Variants in EXOC6B observed in about 807,000 individuals in gnomAD.
The protein encoded by EXOC6B is exocyst complex component 6B.
Under a neutral mutation model 113.5 loss-of-function variants are expected in EXOC6B, and 54 were observed. That is an observed-to-expected ratio of 0.48 (90% CI 0.38 to 0.60). EXOC6B has a LOEUF of 0.60. EXOC6B is among the 20% of genes least tolerant of loss of function. The pLI is 0.00. For missense variants in EXOC6B, 797 were observed against 977.5 expected (o/e 0.82, Z 2.46); for synonymous variants, 357 against 339.0 (o/e 1.05, Z -0.58).
intron 20 of EXOC6B, among the ~76,000 whole-genome samples, chr2:72,292,243 G>A (rs1292351762): frequency 6.9e-6 from 1 of 144,370 alleles, no homozygotes; most frequent in East Asian, 2.2e-4. Flanking sequence ...TGAATCTGAA[G>A]ATCTACCAGG....
At position 72,521,991 on chromosome 2, in the gene EXOC6B, C is replaced by A. The variant is rs567153477; in HGVS notation, c.916-6865G>T. The stretch of plus-strand genomic sequence containing the variant: ...GATTACAGGCATGAGCCACTGCACC[C>A]GGCCAGTTTAAAGTTTTTTATATTG... On this transcript the variant is annotated intron_variant, in intron 8 of 21. Coordinates refer to ENST00000272427, the MANE Select transcript of EXOC6B (RefSeq NM_015189.3). 9.9e-4 allele frequency among the ~76,000 whole-genome samples: 150 copies of A among 152,280 alleles called. 1 individual carries two copies. Among genetic ancestry groups the A allele is most frequent in the African/African-American group, 3.5e-3 (147 of 41,570 alleles).
At chr2:72,336,643 A>G (rs1688707325) in intron 19 of EXOC6B, among the ~76,000 whole-genome samples, 1 of 152,178 alleles carries the variant, frequency 6.6e-6, no homozygotes. Flanking sequence ...TTGCTTTGAG[A>G]AGAAAATTCA....
At chr2:72,322,176 C>T (rs1052872401) in intron 20 of EXOC6B, among the ~76,000 whole-genome samples, 1 of 151,980 alleles carries the variant, frequency 6.6e-6, no homozygotes, top group Non-Finnish European at 1.5e-5. Context: ...ACAAAATGTT[C>T]ATAAATGTCA....
intron 8 of EXOC6B, among the ~76,000 whole-genome samples, chr2:72,554,915 C>T (rs1703449690): frequency 6.6e-6 from 1 of 151,732 alleles, no homozygotes; most frequent in African/African-American, 2.4e-5. Flanking sequence ...AGACCCCCAA[C>T]CCCTGACAGG....
chr2:72,489,291 G>A (rs897136798), intron 16 of EXOC6B, among the ~76,000 whole-genome samples: 1 of 151,978 alleles, frequency 6.6e-6, no homozygotes, highest in African/African-American at 2.4e-5. Context: ...GATCTCTATT[G>A]TTGTTGTTAT....
chr2:72,768,638 A>T (rs561385557), intron 1 of EXOC6B, among the ~76,000 whole-genome samples: 3 of 148,842 alleles, frequency 2.0e-5, no homozygotes, highest in Admixed American at 2.0e-4. Flanking sequence ...AGTAAATAAC[A>T]TCTAACTGAT....
Position 72,516,782 on chromosome 2 carries a change from G to C in EXOC6B, c.916-1656C>G, listed in dbSNP as rs1281907925. On this transcript the variant is annotated intron_variant, in intron 8 of 21. Coordinates refer to ENST00000272427, the MANE Select transcript of EXOC6B (RefSeq NM_015189.3). ...GTGCCATGGTTTTCTCATTTGTAGAGATGCCAACATCATATGGTTGTAATG... is the reference window on the plus strand; with the variant it reads ...GTGCCATGGTTTTCTCATTTGTAGACATGCCAACATCATATGGTTGTAATG... 2.0e-5 allele frequency among the ~76,000 whole-genome samples: 3 copies of C among 152,094 alleles called. 1 individual carries two copies. In the East Asian group the frequency reaches 5.8e-4, roughly 29 times the overall value.
intron 18 of EXOC6B, among the ~76,000 whole-genome samples, chr2:72,393,064 G>A (rs1208087453): frequency 2.0e-5 from 3 of 151,584 alleles, no homozygotes; most frequent in African/African-American, 7.3e-5. Flanking sequence ...ACTTAATGAA[G>A]GTTTGGTTTT....
chr2:72,312,969 G>A (rs940350052), intron 20 of EXOC6B, among the ~76,000 whole-genome samples: 6 of 152,074 alleles, frequency 3.9e-5, no homozygotes, highest in Non-Finnish European at 7.3e-5. Context: ...AAATTCTGAG[G>A]TGATACATAG....
At chr2:72,319,139 A>G (rs937551414) in intron 20 of EXOC6B, among the ~76,000 whole-genome samples, 1 of 151,934 alleles carries the variant, frequency 6.6e-6, no homozygotes, top group Non-Finnish European at 1.5e-5. Context: ...AAAACAAAAC[A>G]TTAGAAATAA....
chr2:72,365,008 C>T (rs1032326249), intron 19 of EXOC6B, among the ~76,000 whole-genome samples: 5 of 152,054 alleles, frequency 3.3e-5, no homozygotes, highest in Non-Finnish European at 5.9e-5. Context: ...TTTCAATCTC[C>T]TACTAAATAA....
At chr2:72,660,819 C>CTTT (rs201934111) in intron 6 of EXOC6B, among the ~76,000 whole-genome samples, 1 of 144,044 alleles carries the variant, frequency 6.9e-6, no homozygotes, top group Admixed American at 7.0e-5. Flanking sequence ...CTAAGTTTAC[C>CTTT]TTTTTTTTTT....
In EXOC6B at chr2:72,177,408, T is replaced by C. The variant is rs1401161438; in HGVS notation, c.*1927A>G. Reference sequence around the variant, plus strand: ...AGCAAAGAGAAGTGTTTTGAACTCTTCTCAAGCAATAGAACTTCAGATTAA... The same window carrying C: ...AGCAAAGAGAAGTGTTTTGAACTCTCCTCAAGCAATAGAACTTCAGATTAA... On this transcript the variant is annotated 3_prime_UTR_variant, in exon 22 of 22. Transcript: ENST00000272427. 1 of 152,240 alleles carries C rather than the reference T, an allele frequency of 6.6e-6. No individual in the cohort carries two copies. The highest frequency in any genetic ancestry group is 2.4e-5 in the African/African-American group (1 of 41,460). 9.4% of individuals were successfully genotyped at this position (152,240 alleles called of 1,614,324 possible). A position where few individuals can be genotyped will look rare whatever the true frequency, so the allele number is the denominator to read the frequency against.
At chr2:72,571,634 G>A (rs944448922) in intron 7 of EXOC6B, among the ~76,000 whole-genome samples, 1 of 152,074 alleles carries the variant, frequency 6.6e-6, no homozygotes, top group South Asian at 2.1e-4. Context: ...ATAAGCTGAG[G>A]GTGGGGAAGA....
At chr2:72,461,283 C>T (rs886778892) in intron 18 of EXOC6B, among the ~76,000 whole-genome samples, 2 of 149,328 alleles carry the variant, frequency 1.3e-5, no homozygotes, top group African/African-American at 2.5e-5. Context: ...GAGTGCAGCA[C>T]ACCAGCACGG....
intron 16 of EXOC6B, among the ~76,000 whole-genome samples, chr2:72,486,797 C>G (rs1699447637): frequency 6.6e-6 from 1 of 151,998 alleles, no homozygotes; most frequent in South Asian, 2.1e-4. Context: ...GCTACATCAC[C>G]CATTTTTCTG....
intron 6 of EXOC6B, among the ~76,000 whole-genome samples, chr2:72,615,606 C>A (rs1003321191): frequency 1.3e-4 from 19 of 142,044 alleles, no homozygotes; most frequent in East Asian, 1.2e-3. Context: ...AAAAAAAAAA[C>A]CACTGTGTGG....
At chr2:72,422,898 G>A (rs1035255328) in intron 18 of EXOC6B, among the ~76,000 whole-genome samples, 1 of 139,894 alleles carries the variant, frequency 7.1e-6, no homozygotes. Context: ...GACAAAACAG[G>A]CCACTGGGCT....
At chr2:72,781,973 T>G (rs1684070395) in intron 1 of EXOC6B, among the ~76,000 whole-genome samples, 1 of 151,722 alleles carries the variant, frequency 6.6e-6, no homozygotes, top group Admixed American at 6.6e-5. Flanking sequence ...ACCCCATCTC[T>G]ACTAAAAATA....
Sources: allele counts gnomAD v4.1 joint callset (sites outside exome capture counted in the v4.1 genomes callset), GRCh38; gene constraint gnomAD v4.1.1; transcripts MANE v1.5; gene names NCBI Gene and HGNC (gene_info 2026-07-23, HGNC 2026-07-21).